The following OSBPL6 variants were observed in gnomAD, a reference collection of about 807,000 sequenced individuals.
OSBPL6 encodes the protein oxysterol-binding protein-related protein 6.
In OSBPL6, 49 loss-of-function variants were observed where a neutral mutation model predicts 125.8. The ratio of observed to expected loss-of-function variants is 0.39; its 90% CI spans 0.31 to 0.49. OSBPL6 has a LOEUF of 0.49. Among genes scored for constraint, OSBPL6 ranks in the 20% least tolerant of loss-of-function variants. The probability of loss-of-function intolerance (pLI) is 0.88; values close to 1 mark genes in which losing one functional copy is unlikely to be tolerated. For missense variants in OSBPL6, 986 were observed against 1,135.4 expected, an observed-to-expected ratio of 0.87 and a Z score of 1.89; for synonymous variants, 394 against 391.8, an observed-to-expected ratio of 1.01 and a Z score of -0.07.
In OSBPL6 at chr2:178,361,770, A is replaced by T. The variant is rs1193655754; in HGVS notation, c.1242A>T (p.Lys414Asn). 1 of 1,614,166 alleles carries T rather than the reference A, an allele frequency of 6.2e-7. No individual in the cohort carries two copies. The highest frequency in any genetic ancestry group is 8.5e-7 in the Non-Finnish European group (1 of 1,180,002). ...TGGTTTCCGAGCAGGATCACAGTAA[A>T]GGCCACAGCACGCAGATGGCACGGC... ...KQMVSEQDHS[K>N]GHSTQMARLR... The change falls in exon 13 of 25, where the codon AAA (lysine) becomes AAT (asparagine). Residue 414 changes from lysine to asparagine, a missense_variant. Physicochemically the swap from Lys to Asn is moderately conservative, Grantham distance 94. Transcript: ENST00000190611.
At chr2:178,354,772 A>T (rs1338770931) in intron 12 of OSBPL6, among the ~76,000 whole-genome samples, 4 of 152,182 alleles carry the variant, frequency 2.6e-5, no homozygotes, top group Admixed American at 2.0e-4. Context: ...ACCACAAATC[A>T]ATGGAATATA....
intron 5 of OSBPL6, among the ~76,000 whole-genome samples, chr2:178,331,086 G>C (rs1689157278): frequency 1.3e-5 from 2 of 152,156 alleles, no homozygotes; most frequent in Admixed American, 1.3e-4. Flanking sequence ...TCAGTCCACT[G>C]GCTTCTGTAA....
At chr2:178,200,309 C>G (rs937507614) in intron 1 of OSBPL6, among the ~76,000 whole-genome samples, 1 of 140,752 alleles carries the variant, frequency 7.1e-6, no homozygotes, top group African/African-American at 2.7e-5. Context: ...CCGAGTGCAG[C>G]GGTGCAATCT....
At chr2:178,388,982 T>G (rs1282825270) in intron 20 of OSBPL6, 27 bp from the exon 21 acceptor site, 1 of 1,607,736 alleles carries the variant, frequency 6.2e-7, no homozygotes, top group East Asian at 2.2e-5. Flanking sequence ...CTTGGTTGTT[T>G]TTCATCAGTG....
Position 178,364,704 on chromosome 2 carries a change from G to A in OSBPL6, c.1287+2889G>A, listed in dbSNP as rs539115184. 8.9e-4 allele frequency among the ~76,000 whole-genome samples: 135 copies of A among 152,204 alleles called. 1 individual carries two copies. Among genetic ancestry groups the A allele is most frequent in the African/African-American group, 3.2e-3 (134 of 41,504 alleles). On this transcript the variant is annotated intron_variant, in intron 13 of 24. Coordinates refer to ENST00000190611, the MANE Select transcript of OSBPL6 (RefSeq NM_032523.4). ...ATGATGGATTTCTGTGGAGATTGAG[G>A]TGTCTGTGGGGCATTTTACAGGCAA...
chr2:178,289,979 T>G (rs1345836955), intron 2 of OSBPL6, among the ~76,000 whole-genome samples: 1 of 152,212 alleles, frequency 6.6e-6, no homozygotes, highest in African/African-American at 2.4e-5. Context: ...TTACCCCACT[T>G]TTAGTGATGC....
intron 11 of OSBPL6, among the ~76,000 whole-genome samples, chr2:178,347,119 A>C (rs896781507): frequency 1.3e-5 from 2 of 151,400 alleles, no homozygotes; most frequent in Admixed American, 1.3e-4. Flanking sequence ...AGAAATAATA[A>C]TTTATCTCAG....
In OSBPL6 at chr2:178,372,178, A is replaced by G; in HGVS notation, c.1340A>G (p.Glu447Gly). ...AGTCGGTTGAACAGAATACATTCAG[A>G]GTCTATTATTTGTGATCAGGTTGTC... ...LRSRLNRIHS[E>G]SIICDQVVSV... Residue 447 changes from glutamate (E) to glycine (G), a missense_variant, in exon 14 of 25, where the codon GAG becomes GGG. Glu to Gly is a moderately conservative substitution (Grantham distance 98). Transcript: ENST00000190611. The G allele has an allele frequency of 6.2e-7, 1 of 1,613,392 alleles. No homozygotes were observed. The highest frequency in any genetic ancestry group is 8.5e-7 in the Non-Finnish European group (1 of 1,179,540).
chr2:178,393,417 A>G (rs1309703639), intron 23 of OSBPL6, among the ~76,000 whole-genome samples: 4 of 152,144 alleles, frequency 2.6e-5, no homozygotes, highest in African/African-American at 9.7e-5. Context: ...TATGGAATTC[A>G]TTTTACTTTT....
At chr2:178,326,056 T>C (rs899739433) in intron 4 of OSBPL6, among the ~76,000 whole-genome samples, 1 of 151,944 alleles carries the variant, frequency 6.6e-6, no homozygotes, top group Admixed American at 6.6e-5. Context: ...CATCTCACCA[T>C]CTCTCAGCCC....
intron 1 of OSBPL6, among the ~76,000 whole-genome samples, chr2:178,237,355 TG>T (rs758374814): frequency 6.6e-6 from 1 of 151,850 alleles, no homozygotes; most frequent in Non-Finnish European, 1.5e-5. Context: ...TTTTTTGTTT[TG>T]TTTTGTTTTT....
At chr2:178,219,908 C>T (rs537637197) in intron 1 of OSBPL6, among the ~76,000 whole-genome samples, 68 of 152,286 alleles carry the variant, frequency 4.5e-4, no homozygotes, top group African/African-American at 1.5e-3. Context: ...AATGCTATTT[C>T]AAGGCAACAG....
chr2:178,195,978 C>A (rs943061281), intron 1 of OSBPL6, among the ~76,000 whole-genome samples: 2 of 151,772 alleles, frequency 1.3e-5, no homozygotes, highest in Non-Finnish European at 2.9e-5. Flanking sequence ...GTTTTTGTTT[C>A]TTTTCCTTCT....
rs1418705562 is a variant in OSBPL6 at position 178,214,857 on chromosome 2, A to AGGAGGATTGCTTGAGCCCAGGAGAT, written c.-351+20184_-351+20208dup. ...TTCCAGCTACTCAAGAGGCTGAGGC[A>AGGAGGATTGCTTGAGCCCAGGAGAT]GGAGGATTGCTTGAGCCCAGGAGAT... On this transcript the variant is annotated intron_variant, in intron 1 of 24. Transcript: ENST00000190611. 2.4e-4 allele frequency among the ~76,000 whole-genome samples: 36 copies of AGGAGGATTGCTTGAGCCCAGGAGAT among 152,228 alleles called. No individual in the cohort carries two copies. In the East Asian group the frequency reaches 6.6e-3, roughly 28 times the overall value.
chr2:178,202,369 A>G (rs1559110375), intron 1 of OSBPL6, among the ~76,000 whole-genome samples: 2 of 152,006 alleles, frequency 1.3e-5, no homozygotes, highest in Admixed American at 6.6e-5. Context: ...TTTGCCTTCA[A>G]TTTTGAAGAT....
intron 1 of OSBPL6, among the ~76,000 whole-genome samples, chr2:178,270,890 GGC>G (rs2092361769): frequency 6.6e-6 from 1 of 152,118 alleles, no homozygotes; most frequent in South Asian, 2.1e-4. Context: ...GGTTTTATCA[GGC>G]CAAATCCCCA....
chr2:178,371,786 A>C (rs1693414573), intron 13 of OSBPL6, among the ~76,000 whole-genome samples: 1 of 152,216 alleles, frequency 6.6e-6, no homozygotes, highest in Non-Finnish European at 1.5e-5. Context: ...AGTTTTCATC[A>C]CAGGCTGCAA....
chr2:178,384,870 G>A (rs1284053940), intron 18 of OSBPL6, among the ~76,000 whole-genome samples: 1 of 148,248 alleles, frequency 6.7e-6, no homozygotes, highest in Non-Finnish European at 1.5e-5. Context: ...GAGAGAGGTA[G>A]CCTTTTTAAA....
chr2:178,294,716 A>T (rs535762982), intron 2 of OSBPL6, among the ~76,000 whole-genome samples: 64 of 142,132 alleles, frequency 4.5e-4, no homozygotes, highest in South Asian at 8.9e-4. Context: ...CACCACAGCT[A>T]TTTTTTTTTT....
Sources: allele counts gnomAD v4.1 joint callset (sites outside exome capture counted in the v4.1 genomes callset), GRCh38; gene constraint gnomAD v4.1.1; transcripts MANE v1.5; gene names NCBI Gene and HGNC (gene_info 2026-07-23, HGNC 2026-07-21).